The following MED6 variants were observed in gnomAD, a reference collection of about 807,000 sequenced individuals.
MED6 encodes mediator of RNA polymerase II transcription subunit 6.
A neutral mutation model predicts 37.5 loss-of-function variants in MED6; 33 were observed. That is an observed-to-expected ratio of 0.88 (90% CI 0.67 to 1.18). MED6 has a LOEUF of 1.18. Among genes scored for constraint, MED6 ranks in the 50% most tolerant of loss-of-function variants. The probability of loss-of-function intolerance (pLI) is 0.00; values close to 1 mark genes in which losing one functional copy is unlikely to be tolerated. For missense variants in MED6, 235 were observed against 290.6 expected (o/e 0.81, Z 1.39); for synonymous variants, 94 against 93.6 (o/e 1.00, Z -0.02).
chr14:70,588,635 G>C (rs1884779622), intron 6 of MED6, among the ~76,000 whole-genome samples: 1 of 150,970 alleles, frequency 6.6e-6, no homozygotes, highest in South Asian at 2.1e-4. Context: ...GCAGTGAGCT[G>C]AGATCGTGCC....
intron 1 of MED6, among the ~76,000 whole-genome samples, chr14:70,598,490 G>A (rs1425574292): frequency 2.4e-4 from 37 of 151,936 alleles, no homozygotes; most frequent in Admixed American, 2.2e-3. Context: ...AAAAAGACAT[G>A]AAGAAATGTG....
At chr14:70,585,474 G>A (rs766590866) in intron 7 of MED6, among the ~76,000 whole-genome samples, 9 of 151,890 alleles carry the variant, frequency 5.9e-5, no homozygotes, top group Non-Finnish European at 8.8e-5. Context: ...TCAACCCACC[G>A]CCCACGGGCA....
Position 70,583,968 on chromosome 14 carries a change from T to C in MED6, c.*845A>G, listed in dbSNP as rs1475739881. 1.4e-5 allele frequency: 6 copies of C among 436,368 alleles called. No individual in the cohort carries two copies. Among genetic ancestry groups the C allele is most frequent in the Non-Finnish European group, 2.4e-5 (6 of 248,116 alleles). 27.0% of individuals were successfully genotyped at this position (436,368 alleles called of 1,614,324 possible). A position where few individuals can be genotyped will look rare whatever the true frequency, so the allele number is the denominator to read the frequency against. On this transcript the variant is annotated 3_prime_UTR_variant, in exon 8 of 8. Coordinates refer to ENST00000256379, the MANE Select transcript of MED6 (RefSeq NM_005466.4). ...ATAACTTTAAAAAAAATAAAATTCCTTTTCTTTATTGAAAAAAGAAGTATC... is the reference window on the plus strand; with the variant it reads ...ATAACTTTAAAAAAAATAAAATTCCCTTTCTTTATTGAAAAAAGAAGTATC...
At chr14:70,596,378 T>G (rs1384202268) in intron 3 of MED6, 4 of 397,010 alleles carry the variant, frequency 1.0e-5, no homozygotes, top group African/African-American at 8.0e-5. Flanking sequence ...ACCTGACATG[T>G]CTTTTTCCAG....
At chr14:70,586,887 T>C (rs898919031) in intron 6 of MED6, among the ~76,000 whole-genome samples, 1 of 152,244 alleles carries the variant, frequency 6.6e-6, no homozygotes, top group Non-Finnish European at 1.5e-5. Flanking sequence ...TAGAAAGGCC[T>C]GCTTGCAAGG....
At chr14:70,597,827 C>A (rs373534161) in intron 1 of MED6, 50 bp from the exon 2 acceptor site, 1 of 1,442,470 alleles carries the variant, frequency 6.9e-7, no homozygotes, top group South Asian at 1.4e-5. Flanking sequence ...TAGAAAGAAT[C>A]CAATCCAACA....
chr14:70,585,091 A>G (rs2049640712), intron 7 of MED6, 148 bp from the exon 8 acceptor site: 4 of 920,504 alleles, frequency 4.3e-6, no homozygotes, highest in African/African-American at 1.7e-5. Context: ...GCAGATGTAT[A>G]CAAGAACCCA....
Position 70,584,296 on chromosome 14 carries a change from G to A in MED6, c.*517C>T. 1 of 582,686 alleles carries A rather than the reference G, an allele frequency of 1.7e-6. No individual in the cohort carries two copies. The highest frequency in any genetic ancestry group is 3.1e-6 in the Non-Finnish European group (1 of 326,770). 36.1% of individuals were successfully genotyped at this position (582,686 alleles called of 1,614,324 possible). A position where few individuals can be genotyped will look rare whatever the true frequency, so the allele number is the denominator to read the frequency against. Reference sequence around the variant, plus strand: ...TATCTACCAGTAAACATGTGAGTGTGTAGGTTGCTCAAGTCCGGGAGAGGA... The same window carrying A: ...TATCTACCAGTAAACATGTGAGTGTATAGGTTGCTCAAGTCCGGGAGAGGA... On this transcript the variant is annotated 3_prime_UTR_variant, in exon 8 of 8. Coordinates refer to ENST00000256379, the MANE Select transcript of MED6 (RefSeq NM_005466.4).
At chr14:70,591,446 A>G in intron 5 of MED6, 65 bp from the exon 6 acceptor site, 1 of 1,267,024 alleles carries the variant, frequency 7.9e-7, no homozygotes, top group Middle Eastern at 1.9e-4. Flanking sequence ...TATTTTACAA[A>G]TCTTTATCCA....
chr14:70,597,572 C>A lies in MED6; in HGVS notation c.182+46G>T, dbSNP rs565719728. 5 of 1,406,386 alleles carry A rather than the reference C, an allele frequency of 3.6e-6. No individual in the cohort carries two copies. The South Asian group carries it at 9.0e-5, about 25-fold the overall frequency. 87.1% of individuals were successfully genotyped at this position (1,406,386 alleles called of 1,614,324 possible). A position where few individuals can be genotyped will look rare whatever the true frequency, so the allele number is the denominator to read the frequency against. On this transcript the variant is annotated intron_variant, in intron 2 of 7. Coordinates refer to ENST00000256379, the MANE Select transcript of MED6 (RefSeq NM_005466.4). ...CACAGTTTGAAAGAACTGTTCATTG[C>A]AAAACTTGTATTTGGAAAAAGTGCC... is the stretch of plus-strand genomic sequence containing the variant.
intron 6 of MED6, among the ~76,000 whole-genome samples, chr14:70,587,111 T>A (rs999533995): frequency 6.6e-6 from 1 of 152,144 alleles, no homozygotes; most frequent in African/African-American, 2.4e-5. Flanking sequence ...GGGTACCAGG[T>A]CTCTAATGGA....
At chr14:70,599,236 ATAAAGG>A (rs1287333243) in intron 1 of MED6, among the ~76,000 whole-genome samples, 1 of 152,258 alleles carries the variant, frequency 6.6e-6, no homozygotes, top group Non-Finnish European at 1.5e-5. Flanking sequence ...GAAAAATTAT[ATAAAGG>A]TAAAATGTAC....
At chr14:70,587,498 T>C (rs144440570) in intron 6 of MED6, among the ~76,000 whole-genome samples, 132 of 152,202 alleles carry the variant, frequency 8.7e-4, no homozygotes, top group African/African-American at 3.2e-3. Flanking sequence ...AGAGGAAACA[T>C]AGGGAGGAAC....
chr14:70,599,937 G>T (rs986662297), intron 1 of MED6, among the ~76,000 whole-genome samples: 2 of 152,088 alleles, frequency 1.3e-5, no homozygotes, highest in East Asian at 3.9e-4. Context: ...ATTAAAAAAA[G>T]GCATCTCAAA....
At chr14:70,587,683 G>A (rs1884750472) in intron 6 of MED6, among the ~76,000 whole-genome samples, 1 of 152,148 alleles carries the variant, frequency 6.6e-6, no homozygotes, top group Admixed American at 6.5e-5. Context: ...AGTAGAACAC[G>A]GTCTGAGATG....
chr14:70,584,584 C>G lies in MED6; in HGVS notation c.*229G>C, dbSNP rs748553207. 3.5e-5 allele frequency: 15 copies of G among 429,916 alleles called. No homozygotes were observed. The highest frequency in any genetic ancestry group is 4.9e-5 in the Non-Finnish European group (12 of 246,792). The allele number at this position is 429,916 out of a possible 1,614,324, so 26.6% of individuals were successfully genotyped here. A position where few individuals can be genotyped will look rare whatever the true frequency, so the allele number is the denominator to read the frequency against. On this transcript the variant is annotated 3_prime_UTR_variant, in exon 8 of 8. Transcript: ENST00000256379. ...AGAGACGGGGTTTCACCATATTGGT[C>G]AGGCTGGTCTTGAACTTCTGACCTC...
At chr14:70,600,439 GA>G (rs5809489) in intron 1 of MED6, among the ~76,000 whole-genome samples, 176 bp downstream of exon 1, 22,767 of 127,824 alleles carry the variant, frequency 0.18, 2,406 homozygotes, top group East Asian at 0.54. Flanking sequence ...CAAGAACTCA[GA>G]AAAAAAAAAA....
intron 1 of MED6, among the ~76,000 whole-genome samples, chr14:70,599,082 T>C (rs1020552826): frequency 2.4e-4 from 37 of 152,174 alleles, no homozygotes; most frequent in African/African-American, 8.9e-4. Context: ...CACCACTAGG[T>C]GTAAATCATG....
At chr14:70,600,563 T>A (rs1246258918) in intron 1 of MED6, 53 bp downstream of exon 1, 5 of 1,604,656 alleles carry the variant, frequency 3.1e-6, no homozygotes, top group African/African-American at 1.3e-5. Context: ...AGCTATAACA[T>A]CCCAAACTGG....
Sources: gnomAD v4.1 joint callset for allele counts (sites outside exome capture counted in the v4.1 genomes callset) on GRCh38, gnomAD v4.1.1 for gene constraint, MANE v1.5 for transcripts, NCBI Gene and HGNC (gene_info 2026-07-23, HGNC 2026-07-21) for gene names.